The following SATL1 variants were observed in gnomAD, a reference collection of about 807,000 sequenced individuals.
The protein encoded by SATL1 is spermidine/spermine N(1)-acetyltransferase-like protein 1.
A neutral mutation model predicts 51.8 loss-of-function variants in SATL1; 47 were observed. The observed-to-expected ratio is 0.91, with a 90% confidence interval of 0.72 to 1.16. The LOEUF (loss-of-function observed/expected upper bound fraction) is 1.16, where lower values mean the gene tolerates loss of function less well. SATL1 is among the 50% of genes most tolerant of loss of function. The probability of loss-of-function intolerance (pLI) is 0.00; values close to 1 mark genes in which losing one functional copy is unlikely to be tolerated. For synonymous variants in SATL1, 176 were observed against 182.4 expected (o/e 0.97, Z 0.28); for missense variants, 520 against 526.4 (o/e 0.99, Z 0.12).
chrX:85,229,369 A>T (rs1793874358), intron 1 of SATL1, among the ~76,000 whole-genome samples: 1 of 111,786 alleles, frequency 8.9e-6, no homozygotes, highest in Non-Finnish European at 1.9e-5. Context: ...AGAAAAGAAA[A>T]CTGAAGAGCA....
chrX:85,112,829 G>A (rs1925290116), intron 2 of SATL1, among the ~76,000 whole-genome samples: 1 of 111,068 alleles, frequency 9.0e-6, no homozygotes, highest in Non-Finnish European at 1.9e-5. Flanking sequence ...TAGCAAAACA[G>A]TTAACAACTG....
chrX:85,151,365 C>G (rs1569237666), intron 2 of SATL1, among the ~76,000 whole-genome samples: 1 of 111,321 alleles, frequency 9.0e-6, no homozygotes, highest in Non-Finnish European at 1.9e-5. Flanking sequence ...TAGGAAGAAT[C>G]AATATCATGA....
chrX:85,145,734 T>A (rs1188673132), intron 2 of SATL1, among the ~76,000 whole-genome samples: 1 of 110,883 alleles, frequency 9.0e-6, no homozygotes, highest in Non-Finnish European at 1.9e-5. Flanking sequence ...CTAACCGATC[T>A]TTTCATGTCA....
At chrX:85,117,842 A>G (rs1395644759) in intron 2 of SATL1, among the ~76,000 whole-genome samples, 1 of 111,397 alleles carries the variant, frequency 9.0e-6, no homozygotes, top group Non-Finnish European at 1.9e-5. Context: ...AAAAAAGCAC[A>G]CTCAAGAATT....
chrX:85,114,491 A>G (rs1165142611), intron 2 of SATL1, among the ~76,000 whole-genome samples: 1 of 111,663 alleles, frequency 9.0e-6, no homozygotes, highest in African/African-American at 3.3e-5. Flanking sequence ...TTTGAGAGCA[A>G]CCGTTAAAGT....
intron 2 of SATL1, among the ~76,000 whole-genome samples, chrX:85,134,718 T>C (rs976336505): frequency 3.6e-5 from 4 of 111,707 alleles, no homozygotes; most frequent in African/African-American, 1.3e-4. Context: ...TTCCAGGTAG[T>C]AAAAGAAGCT....
chrX:85,205,166 A>G (rs1269341231), intron 2 of SATL1, among the ~76,000 whole-genome samples: 1 of 111,845 alleles, frequency 8.9e-6, no homozygotes, highest in Non-Finnish European at 1.9e-5. Flanking sequence ...GAGATTACAG[A>G]CTCTATAGGA....
chrX:85,108,645 G>T lies in SATL1; in HGVS notation c.324C>A (p.Asp108Glu). 1.7e-6 allele frequency: 2 copies of T among 1,202,371 alleles called. No individual in the cohort carries two copies. The highest frequency in any genetic ancestry group is 2.2e-6 in the Non-Finnish European group (2 of 890,558). The change falls in exon 3 of 8, where the codon GAC (aspartate) becomes GAA (glutamate). Residue 108 changes from aspartate (D) to glutamate (E), a missense_variant. Physicochemically the swap from Asp to Glu is conservative, Grantham distance 45 (BLOSUM62 2). This residue lies in a region of SATL1 where 488 missense variants were observed against 474.3 expected (regional missense o/e 1.03). Transcript: ENST00000644105. ...VLSKAGISQP[D>E]PSQPGPSQSG... ...ATTGGCTTGGGCCTGGTTGCGATGGGTCTGGTTGGCTTATGCCTGCTTTGC... is the reference window on the plus strand; with the variant it reads ...ATTGGCTTGGGCCTGGTTGCGATGGTTCTGGTTGGCTTATGCCTGCTTTGC...
Position 85,107,294 on chromosome X carries a change from GCCATGAGGCT to G in SATL1, c.1641+24_1641+33del, listed in dbSNP as rs1925069970. Reference sequence around the variant, plus strand: ...CTTACTCTTTCAGCCCTACACCAATGCCATGAGGCTCCATGTAATAAAAATAGGCTTACTT... The same window carrying G: ...CTTACTCTTTCAGCCCTACACCAATGCCATGTAATAAAAATAGGCTTACTT... On this transcript the variant is annotated intron_variant, in intron 3 of 7. Transcript: ENST00000644105. The G allele has an allele frequency of 2.6e-6, 3 of 1,135,029 alleles. No homozygotes were observed. The African/African-American group carries it at 5.4e-5, about 20-fold the overall frequency. The allele number at this position is 1,135,029 out of a possible 1,213,427, so 93.5% of individuals were successfully genotyped here.
At chrX:85,168,237 C>A (rs1926890491) in intron 2 of SATL1, among the ~76,000 whole-genome samples, 1 of 111,280 alleles carries the variant, frequency 9.0e-6, no homozygotes, top group Admixed American at 9.6e-5. Context: ...GATGCCCTCT[C>A]TCACCACTCC....
chrX:85,136,695 A>G (rs1434342350), intron 2 of SATL1, among the ~76,000 whole-genome samples: 1 of 112,004 alleles, frequency 8.9e-6, no homozygotes, highest in African/African-American at 3.2e-5. Flanking sequence ...CAGTAGGCTG[A>G]GGAGTAGTAA....
At chrX:85,220,638 C>G (rs12010684) in intron 2 of SATL1, among the ~76,000 whole-genome samples, 1 of 63,134 alleles carries the variant, frequency 1.6e-5, no homozygotes, top group Non-Finnish European at 2.7e-5. Flanking sequence ...GGCAGCACTT[C>G]TGTGTTAAAA....
At chrX:85,132,780 T>A (rs761455918) in intron 2 of SATL1, among the ~76,000 whole-genome samples, 1 of 112,312 alleles carries the variant, frequency 8.9e-6, no homozygotes, top group Admixed American at 9.5e-5. Flanking sequence ...TCTCCTCATC[T>A]TTGTGGTTTT....
At chrX:85,151,197 G>C (rs1336359359) in intron 2 of SATL1, among the ~76,000 whole-genome samples, 1 of 109,855 alleles carries the variant, frequency 9.1e-6, no homozygotes, top group Non-Finnish European at 1.9e-5. Context: ...GCCAAATCAT[G>C]AGTGAACTCC....
chrX:85,132,879 G>A (rs181136516), intron 2 of SATL1, among the ~76,000 whole-genome samples: 26 of 112,234 alleles, frequency 2.3e-4, no homozygotes, highest in Admixed American at 1.6e-3. Context: ...ATTCCTTTCT[G>A]TTTGTTAGTT....
At chrX:85,127,267 T>C (rs941801723) in intron 2 of SATL1, among the ~76,000 whole-genome samples, 4 of 111,331 alleles carry the variant, frequency 3.6e-5, no homozygotes, top group Non-Finnish European at 7.5e-5. Context: ...TTTTCTCATC[T>C]ATAAGGCAGG....
At chrX:85,191,269 T>A (rs1209438778) in intron 2 of SATL1, among the ~76,000 whole-genome samples, 2 of 111,815 alleles carry the variant, frequency 1.8e-5, no homozygotes, top group Non-Finnish European at 3.8e-5. Flanking sequence ...CACATAATAA[T>A]TGTGCATATT....
At chrX:85,233,768 TGAATAAAAC>T (rs1219984906) in intron 1 of SATL1, among the ~76,000 whole-genome samples, 1 of 110,738 alleles carries the variant, frequency 9.0e-6, no homozygotes, top group East Asian at 2.9e-4. Flanking sequence ...AAGAATAAAA[TGAATAAAAC>T]ATGCATACAA....
intron 4 of SATL1, among the ~76,000 whole-genome samples, chrX:85,095,554 C>T (rs1183018821): frequency 9.5e-6 from 1 of 105,388 alleles, no homozygotes; most frequent in Non-Finnish European, 1.9e-5. Context: ...AGGCCGGGCG[C>T]GGTGGCTCAC....
Sources: gnomAD v4.1 joint callset for allele counts (sites outside exome capture counted in the v4.1 genomes callset) on GRCh38, gnomAD v4.1.1 for gene constraint, gnomAD v4.1.1 regional missense constraint, MANE v1.5 for transcripts, NCBI Gene and HGNC (gene_info 2026-07-23, HGNC 2026-07-21) for gene names.